Variants in GALNT17 observed in about 807,000 individuals in gnomAD.
GALNT17 encodes UDP-GalNAc:polypeptide N-acetylgalactosaminyltransferase-like 3.
A neutral mutation model predicts 63.7 loss-of-function variants in GALNT17; 29 were observed. That is an observed-to-expected ratio of 0.46 (90% CI 0.34 to 0.62). GALNT17 has a LOEUF of 0.62. Ranked by LOEUF, GALNT17 falls within the 20% of genes least tolerant of loss-of-function variation. The pLI is 0.01. For missense variants in GALNT17, 603 were observed against 799.6 expected, an observed-to-expected ratio of 0.75 and a Z score of 2.97; for synonymous variants, 305 against 318.3, an observed-to-expected ratio of 0.96 and a Z score of 0.45.
intron 6 of GALNT17, among the ~76,000 whole-genome samples, chr7:71,637,097 C>T (rs914939258): frequency 4.6e-5 from 7 of 152,118 alleles, no homozygotes; most frequent in East Asian, 1.9e-4. Flanking sequence ...ATTACGTGAT[C>T]GAATTAACAA....
At chr7:71,676,071 A>T (rs952487178) in intron 8 of GALNT17, among the ~76,000 whole-genome samples, 1 of 152,164 alleles carries the variant, frequency 6.6e-6, no homozygotes, top group Non-Finnish European at 1.5e-5. Flanking sequence ...AGGGGAATGA[A>T]TATAGATGGA....
chr7:71,426,122 C>T (rs1315261240), intron 5 of GALNT17, among the ~76,000 whole-genome samples: 4 of 152,184 alleles, frequency 2.6e-5, no homozygotes, highest in Non-Finnish European at 4.4e-5. Context: ...CCACCAGGCC[C>T]CACCTCCAAC....
rs79252370 is a variant in GALNT17 at position 71,554,864 on chromosome 7, G to C, written c.963-16421G>C. On this transcript the variant is annotated intron_variant, in intron 5 of 10. Coordinates refer to ENST00000333538, the MANE Select transcript of GALNT17 (RefSeq NM_022479.3). ...CCCAGCCCAGGGAGAATTAGCTTCT[G>C]TGTGTGTCTGTTTTGCATTGCTCTA... 1.3e-3 allele frequency among the ~76,000 whole-genome samples: 193 copies of C among 152,302 alleles called. 3 individuals carry two copies. The East Asian group carries it at 0.032, about 25-fold the overall frequency.
intron 1 of GALNT17, among the ~76,000 whole-genome samples, chr7:71,143,894 G>T (rs1309318005): frequency 1.3e-5 from 2 of 151,620 alleles, no homozygotes; most frequent in African/African-American, 4.9e-5. Flanking sequence ...AAAAAAAAGA[G>T]TGCAGCAGTG....
rs981866844 is a variant in GALNT17, at chr7:71,670,209, G to C, written c.1404+100G>C. The C allele has an allele frequency of 7.8e-6, 12 of 1,534,486 alleles. No homozygotes were observed. The African/African-American group carries it at 1.7e-4, about 21-fold the overall frequency. ...AGAGTTGCTCATTCATTCATTCAAT[G>C]AGTGGTTTTTGGAGGTGCTGGCCCT... On this transcript the variant is annotated intron_variant, in intron 8 of 10. Transcript: ENST00000333538.
chr7:71,310,480 T>C (rs925373497), intron 1 of GALNT17, among the ~76,000 whole-genome samples: 2 of 152,212 alleles, frequency 1.3e-5, no homozygotes, highest in South Asian at 4.1e-4. Context: ...TGTGCAAAAG[T>C]AATTGTTTTT....
At chr7:71,626,718 A>G (rs534049361) in intron 6 of GALNT17, among the ~76,000 whole-genome samples, 28 of 152,306 alleles carry the variant, frequency 1.8e-4, no homozygotes, top group Admixed American at 3.9e-4. Flanking sequence ...ATGAGACACA[A>G]TGGGCATCTT....
At chr7:71,710,324 A>G (rs1791774621) in intron 9 of GALNT17, among the ~76,000 whole-genome samples, 1 of 152,258 alleles carries the variant, frequency 6.6e-6, no homozygotes, top group East Asian at 1.9e-4. Flanking sequence ...CCTGACCAAC[A>G]TGATGAAACT....
At chr7:71,204,797 G>T (rs1325073711) in intron 1 of GALNT17, among the ~76,000 whole-genome samples, 4 of 152,080 alleles carry the variant, frequency 2.6e-5, no homozygotes, top group African/African-American at 9.7e-5. Context: ...CCAGGCTGGA[G>T]TACAGTGGCA....
intron 6 of GALNT17, among the ~76,000 whole-genome samples, chr7:71,640,384 C>T (rs1790587084): frequency 1.3e-5 from 2 of 152,068 alleles, no homozygotes; most frequent in Admixed American, 1.3e-4. Flanking sequence ...GCTTGGAATC[C>T]ACTCATCTCC....
At chr7:71,699,761 C>T (rs1332485304) in intron 9 of GALNT17, among the ~76,000 whole-genome samples, 1 of 149,302 alleles carries the variant, frequency 6.7e-6, no homozygotes, top group Non-Finnish European at 1.5e-5. Context: ...TAGTGAGACC[C>T]TGTCTCTATG....
chr7:71,202,862 C>T (rs1462368857), intron 1 of GALNT17, among the ~76,000 whole-genome samples: 2 of 152,142 alleles, frequency 1.3e-5, no homozygotes, highest in Non-Finnish European at 2.9e-5. Context: ...AGTGAGATTA[C>T]GCAGTATTTG....
chr7:71,564,210 C>G (rs754218805), intron 5 of GALNT17, among the ~76,000 whole-genome samples: 1 of 151,252 alleles, frequency 6.6e-6, no homozygotes, highest in Non-Finnish European at 1.5e-5. Flanking sequence ...TTTCCAGCCT[C>G]TGTCAGGCTC....
chr7:71,263,484 G>A (rs1277668582), intron 1 of GALNT17, among the ~76,000 whole-genome samples: 1 of 152,202 alleles, frequency 6.6e-6, no homozygotes, highest in East Asian at 1.9e-4. Context: ...TTTTGTTATG[G>A]CAATGCTAGC....
chr7:71,248,468 G>C (rs1790140533), intron 1 of GALNT17, among the ~76,000 whole-genome samples: 1 of 152,136 alleles, frequency 6.6e-6, no homozygotes, highest in African/African-American at 2.4e-5. Flanking sequence ...AGGGTCAACT[G>C]TACTGCGACT....
chr7:71,164,152 C>T (rs1371761559), intron 1 of GALNT17, among the ~76,000 whole-genome samples: 2 of 152,114 alleles, frequency 1.3e-5, no homozygotes, highest in Non-Finnish European at 2.9e-5. Flanking sequence ...TGGAAAAAGT[C>T]ATGTAGTTGT....
intron 1 of GALNT17, among the ~76,000 whole-genome samples, chr7:71,310,386 A>G (rs994315691): frequency 2.0e-5 from 3 of 152,196 alleles, no homozygotes; most frequent in East Asian, 1.9e-4. Flanking sequence ...GTAACTTCAC[A>G]TTCCGTGTGC....
intron 1 of GALNT17, among the ~76,000 whole-genome samples, chr7:71,290,956 T>C (rs933663072): frequency 6.6e-6 from 1 of 152,196 alleles, no homozygotes; most frequent in African/African-American, 2.4e-5. Flanking sequence ...GGTTTCCACA[T>C]TGAGAAGTGA....
chr7:71,508,404 G>T (rs1161241590), intron 5 of GALNT17, among the ~76,000 whole-genome samples: 2 of 152,190 alleles, frequency 1.3e-5, no homozygotes, highest in Non-Finnish European at 2.9e-5. Flanking sequence ...TCTTGTGTTT[G>T]TATCTGTGAC....
Sources: gnomAD v4.1 joint callset for allele counts (sites outside exome capture counted in the v4.1 genomes callset) on GRCh38, gnomAD v4.1.1 for gene constraint, MANE v1.5 for transcripts, NCBI Gene and HGNC (gene_info 2026-07-23, HGNC 2026-07-21) for gene names.